The following TBC1D1 variants were observed in gnomAD, a reference collection of about 807,000 sequenced individuals.
TBC1D1 encodes TBC1 domain family member 1, also known as TBC1 (tre-2/USP6, BUB2, cdc16) domain family, member 1.
TBC1D1 carries 89 observed loss-of-function variants against 125.6 expected under a neutral mutation model. That is an observed-to-expected ratio of 0.71 (90% CI 0.60 to 0.85). TBC1D1 has a LOEUF of 0.85. Ranked by LOEUF, TBC1D1 falls within the 40% of genes least tolerant of loss-of-function variation. TBC1D1 has a pLI of 0.00. For missense variants in TBC1D1, 1,377 were observed against 1,469.2 expected, an observed-to-expected ratio of 0.94 and a Z score of 1.03; for synonymous variants, 565 against 564.1, an observed-to-expected ratio of 1.00 and a Z score of -0.02.
intron 18 of TBC1D1, chr4:38,132,867 A>T: frequency 3.6e-6 from 1 of 280,536 alleles, no homozygotes; most frequent in East Asian, 6.0e-5. Flanking sequence ...GTTACCTTGG[A>T]ATTATTTCTA....
chr4:37,984,274 A>G (rs895967733), intron 2 of TBC1D1, among the ~76,000 whole-genome samples: 4 of 152,178 alleles, frequency 2.6e-5, no homozygotes, highest in African/African-American at 9.7e-5. Flanking sequence ...CTTTGAGTAG[A>G]TATCAAGAAG....
At chr4:37,912,476 G>C (rs1287305108) in intron 2 of TBC1D1, among the ~76,000 whole-genome samples, 1 of 152,220 alleles carries the variant, frequency 6.6e-6, no homozygotes. Context: ...AAGGGCTAAG[G>C]CCAGATTTTA....
At chr4:38,033,321 C>T (rs904893384) in intron 7 of TBC1D1, among the ~76,000 whole-genome samples, 11 of 152,018 alleles carry the variant, frequency 7.2e-5, no homozygotes, top group Admixed American at 1.3e-4. Flanking sequence ...AACCATCAGG[C>T]GCCTGTACCT....
chr4:37,956,791 TAGCC>T (rs1228038872), intron 2 of TBC1D1, among the ~76,000 whole-genome samples: 2 of 151,784 alleles, frequency 1.3e-5, no homozygotes, highest in East Asian at 3.9e-4. Flanking sequence ...TACTAAAAAT[TAGCC>T]AGGTGTGGTG....
At chr4:37,974,472 C>T (rs1348441299) in intron 2 of TBC1D1, among the ~76,000 whole-genome samples, 2 of 152,174 alleles carry the variant, frequency 1.3e-5, no homozygotes, top group African/African-American at 4.8e-5. Context: ...CTCCTGAGCT[C>T]AAGTGATCCT....
At chr4:37,985,282 TA>T (rs1421832055) in intron 2 of TBC1D1, among the ~76,000 whole-genome samples, 1 of 152,212 alleles carries the variant, frequency 6.6e-6, no homozygotes, top group East Asian at 1.9e-4. Context: ...AATCTAATCT[TA>T]AGTATCTGGT....
At chr4:38,022,623 A>G (rs1744274412) in intron 6 of TBC1D1, among the ~76,000 whole-genome samples, 2 of 152,334 alleles carry the variant, frequency 1.3e-5, no homozygotes, top group South Asian at 4.1e-4. Context: ...TCCGAATGGA[A>G]TGGTGGGGGT....
intron 8 of TBC1D1, among the ~76,000 whole-genome samples, chr4:38,042,660 G>A (rs1748620469): frequency 6.6e-6 from 1 of 152,172 alleles, no homozygotes; most frequent in Non-Finnish European, 1.5e-5. Context: ...ACCTGAAAGG[G>A]ACAGGAGGTA....
intron 2 of TBC1D1, among the ~76,000 whole-genome samples, chr4:37,983,596 C>T (rs1379435942): frequency 6.6e-6 from 1 of 152,106 alleles, no homozygotes; most frequent in African/African-American, 2.4e-5. Context: ...AGCCCCTGTC[C>T]CCACTGAACT....
At chr4:38,135,235 T>A (rs1766295231) in intron 19 of TBC1D1, among the ~76,000 whole-genome samples, 1 of 152,224 alleles carries the variant, frequency 6.6e-6, no homozygotes, top group Non-Finnish European at 1.5e-5. Flanking sequence ...GTTAGAAATA[T>A]CAAAATCCCA....
At chr4:38,034,892 G>C (rs1173186551) in intron 7 of TBC1D1, among the ~76,000 whole-genome samples, 1 of 151,920 alleles carries the variant, frequency 6.6e-6, no homozygotes, top group Non-Finnish European at 1.5e-5. Flanking sequence ...TTGGGAGCAG[G>C]AGGAGACCAT....
intron 2 of TBC1D1, among the ~76,000 whole-genome samples, chr4:37,966,398 C>G (rs545703029): frequency 1.3e-5 from 2 of 152,332 alleles, no homozygotes; most frequent in East Asian, 3.9e-4. Flanking sequence ...AGAGCAATGA[C>G]TCAGACATCA....
intron 3 of TBC1D1, 76 bp from the exon 4 acceptor site, chr4:38,018,278 C>T: frequency 9.4e-7 from 1 of 1,066,800 alleles, no homozygotes. Flanking sequence ...AGGAGCTTGT[C>T]CCTTTTATTC....
At chr4:38,134,799 A>G (rs1766201489) in intron 19 of TBC1D1, among the ~76,000 whole-genome samples, 1 of 152,226 alleles carries the variant, frequency 6.6e-6, no homozygotes, top group Non-Finnish European at 1.5e-5. Flanking sequence ...ATTCCTCAAT[A>G]AAGGCATCAG....
At chr4:38,101,572 T>G (rs1324626355) in intron 14 of TBC1D1, among the ~76,000 whole-genome samples, 1 of 152,204 alleles carries the variant, frequency 6.6e-6, no homozygotes, top group Admixed American at 6.5e-5. Flanking sequence ...TCTTGGACAT[T>G]TTCTGTTTTT....
intron 2 of TBC1D1, among the ~76,000 whole-genome samples, chr4:37,957,302 G>A (rs1435982635): frequency 6.6e-6 from 1 of 152,166 alleles, no homozygotes; most frequent in African/African-American, 2.4e-5. Flanking sequence ...CTACTTTTTA[G>A]AGACAAGGAA....
intron 2 of TBC1D1, among the ~76,000 whole-genome samples, chr4:37,998,858 A>G (rs1263040546): frequency 6.6e-6 from 1 of 152,226 alleles, no homozygotes; most frequent in South Asian, 2.1e-4. Context: ...GTTGAAGAGA[A>G]GGTGTCAGAA....
chr4:38,116,464 G>A (rs1362319821), intron 16 of TBC1D1, among the ~76,000 whole-genome samples: 3 of 152,172 alleles, frequency 2.0e-5, no homozygotes, highest in Non-Finnish European at 4.4e-5. Context: ...CGTTATCCTG[G>A]CTGATTTCTT....
intron 12 of TBC1D1, among the ~76,000 whole-genome samples, chr4:38,086,550 A>G (rs774561472): frequency 1.3e-5 from 2 of 152,202 alleles, no homozygotes; most frequent in Non-Finnish European, 2.9e-5. Context: ...ACTAGTGCTC[A>G]AATATGTCTT....
Sources: allele counts gnomAD v4.1 joint callset (sites outside exome capture counted in the v4.1 genomes callset), GRCh38; gene constraint gnomAD v4.1.1; transcripts MANE v1.5; gene names NCBI Gene and HGNC (gene_info 2026-07-23, HGNC 2026-07-21).